Variants in ODF2 observed in about 807,000 individuals in gnomAD.
The protein encoded by ODF2 is outer dense fiber protein 2.
Under a neutral mutation model 110.2 loss-of-function variants are expected in ODF2, and 47 were observed. The ratio of observed to expected loss-of-function variants is 0.43; its 90% CI spans 0.34 to 0.54. ODF2 has a LOEUF of 0.54. Among genes scored for constraint, ODF2 ranks in the 20% least tolerant of loss-of-function variants. The pLI is 0.03. For missense variants in ODF2, 812 were observed against 1,054.5 expected (o/e 0.77, Z 3.19); for synonymous variants, 352 against 397.7 (o/e 0.89, Z 1.37).
chr9:128,463,487 A>G (rs1837038028), intron 4 of ODF2, among the ~76,000 whole-genome samples: 1 of 152,174 alleles, frequency 6.6e-6, no homozygotes. Flanking sequence ...GTGCAGTGGT[A>G]CGCACTTGTA....
intron 16 of ODF2, among the ~76,000 whole-genome samples, chr9:128,493,350 G>T (rs1162142472): frequency 6.6e-6 from 1 of 152,088 alleles, no homozygotes; most frequent in East Asian, 1.9e-4. Context: ...GTGCCACTAC[G>T]CTCTAGCCTG....
At chr9:128,456,725 C>T (rs2131386624) in intron 1 of ODF2, 1 of 1,363,674 alleles carries the variant, frequency 7.3e-7, no homozygotes, top group Non-Finnish European at 9.4e-7. Flanking sequence ...GTCCCCCGGG[C>T]ACCGTCTCCG....
chr9:128,461,129 C>T, intron 4 of ODF2, 62 bp downstream of exon 4: 2 of 1,574,088 alleles, frequency 1.3e-6, no homozygotes, highest in Admixed American at 1.9e-5. Flanking sequence ...AGGCCTCAGC[C>T]TCGGTATGAT....
In ODF2 at chr9:128,488,032, A is replaced by T. The variant is rs377190312; in HGVS notation, c.1536+7A>T. ...GGAGAATGAGAGGCTGAAGGTTCGCAGTGAGAGCTGGGGACCAGGCAGCTG... is the reference window on the plus strand; with the variant it reads ...GGAGAATGAGAGGCTGAAGGTTCGCTGTGAGAGCTGGGGACCAGGCAGCTG... On this transcript the variant is annotated splice_region_variant and intron_variant, in intron 14 of 20. Coordinates refer to ENST00000604420, the Ensembl canonical transcript of ODF2. The T allele has an allele frequency of 4.3e-6, 7 of 1,613,492 alleles. No homozygotes were observed. The highest frequency in any genetic ancestry group is 5.1e-6 in the Non-Finnish European group (6 of 1,179,730).
chr9:128,492,918 G>A (rs1844872994), intron 16 of ODF2, 113 bp downstream of exon 16: 1 of 836,222 alleles, frequency 1.2e-6, no homozygotes, highest in Non-Finnish European at 1.9e-6. Flanking sequence ...GGCAACAAAG[G>A]TGAGCTCATT....
At chr9:128,456,506 T>G (rs767897524) in intron 1 of ODF2, 55 of 1,526,122 alleles carry the variant, frequency 3.6e-5, no homozygotes, top group African/African-American at 1.4e-5. Flanking sequence ...GCTCTGCCCC[T>G]CCTCTGCCGC....
intron 18 of ODF2, chr9:128,497,485 A>ATATATATATATATATATG (rs1845859357): frequency 8.7e-6 from 1 of 114,344 alleles, no homozygotes; most frequent in African/African-American, 3.2e-5. Flanking sequence ...ATATATATAT[A>ATATATATATATATATATG]TGTATAAAAT....
chr9:128,463,671 A>G (rs1279180576), intron 4 of ODF2, among the ~76,000 whole-genome samples: 1 of 133,356 alleles, frequency 7.5e-6, no homozygotes, highest in Non-Finnish European at 1.6e-5. Flanking sequence ...GGCCGGCCCT[A>G]TTTGTGCAGA....
intron 1 of ODF2, chr9:128,456,650 A>C: frequency 1.4e-6 from 2 of 1,472,594 alleles, no homozygotes; most frequent in African/African-American, 1.5e-5. Flanking sequence ...CATCGCCCCG[A>C]CCGCCTCGTC....
In ODF2 at chr9:128,492,107, C is replaced by T. The variant is rs964275440; in HGVS notation, c.1537-319C>T. ...GTCTTGATCTCCTAACCTTGTGATC[C>T]GCCCACCTCGGCCTCCCAAAGTGCT... On this transcript the variant is annotated intron_variant, in intron 14 of 20. Coordinates refer to ENST00000604420, the Ensembl canonical transcript of ODF2. Among the ~76,000 whole-genome samples the T allele has an allele frequency of 4.6e-5, 7 of 152,088 alleles. No homozygotes were observed. In the South Asian group the frequency reaches 6.2e-4, roughly 14 times the overall value.
exon 12 of ODF2, chr9:128,484,784 C>A: frequency 6.2e-7 from 1 of 1,612,644 alleles, no homozygotes; most frequent in East Asian, 2.2e-5. Context: ...AGAAGGGAGA[C>A]CGAGACAAAG....
intron 2 of ODF2, among the ~76,000 whole-genome samples, chr9:128,459,094 C>T (rs1835731119): frequency 6.6e-6 from 1 of 152,204 alleles, no homozygotes; most frequent in Admixed American, 6.5e-5. Flanking sequence ...ATCTGCCTGC[C>T]TTGGCCTCCA....
intron 5 of ODF2, among the ~76,000 whole-genome samples, chr9:128,469,844 C>T (rs1313635812): frequency 6.7e-6 from 1 of 149,116 alleles, no homozygotes; most frequent in African/African-American, 2.5e-5. Flanking sequence ...ATTAGCCATG[C>T]GTGGTGGCGT....
chr9:128,485,351 T>C lies in ODF2; in HGVS notation c.1291-14T>C. On this transcript the variant is annotated splice_polypyrimidine_tract_variant and intron_variant, in intron 12 of 20. Coordinates refer to ENST00000604420, the Ensembl canonical transcript of ODF2. The surrounding 1 kb of genome is among the most constrained non-coding windows in gnomAD (Gnocchi z 5.0). ...GACACTAGGCTAACAGGCCCTTTTG[T>C]CCCGTGTTCCCAGGATCTTTATGTC... The C allele has an allele frequency of 6.7e-7, 1 of 1,483,044 alleles. No homozygotes were observed. The highest frequency in any genetic ancestry group is 1.1e-5 in the South Asian group (1 of 87,154). The allele number at this position is 1,483,044 out of a possible 1,614,324, so 91.9% of individuals were successfully genotyped here.
intron 8 of ODF2, among the ~76,000 whole-genome samples, chr9:128,481,181 G>GT (rs1335597331): frequency 6.6e-6 from 1 of 151,888 alleles, no homozygotes; most frequent in African/African-American, 2.4e-5. Flanking sequence ...TAGAACTACA[G>GT]TTTTTTGGGC....
chr9:128,499,497 G>A (rs1262409777), intron 20 of ODF2, among the ~76,000 whole-genome samples: 2 of 152,138 alleles, frequency 1.3e-5, no homozygotes, highest in East Asian at 1.9e-4. Context: ...GTTTCGCCAT[G>A]TTGGCCAGGC....
chr9:128,476,677 G>T (rs897642081), intron 8 of ODF2, among the ~76,000 whole-genome samples: 1 of 147,020 alleles, frequency 6.8e-6, no homozygotes, highest in Admixed American at 6.8e-5. Context: ...TTGCTCTGTC[G>T]CCCAGGCTAG....
At chr9:128,487,834 C>A (rs1372875502) in intron 13 of ODF2, 56 bp from the exon 14 acceptor site, 14 of 1,527,798 alleles carry the variant, frequency 9.2e-6, no homozygotes, top group East Asian at 2.3e-5. Context: ...CACACACACA[C>A]AAACAAACCT....
At position 128,457,196 on chromosome 9, in the gene ODF2, A is replaced by C. The variant is rs768799875; in HGVS notation, c.-208-2A>C. 4 of 1,530,278 alleles carry C rather than the reference A, an allele frequency of 2.6e-6. No individual in the cohort carries two copies. The highest frequency in any genetic ancestry group is 3.5e-6 in the Non-Finnish European group (4 of 1,142,108). 94.8% of individuals were successfully genotyped at this position (1,530,278 alleles called of 1,614,324 possible). A position where few individuals can be genotyped will look rare whatever the true frequency, so the allele number is the denominator to read the frequency against. On this transcript the variant is annotated splice_acceptor_variant, in intron 1 of 20. Coordinates refer to ENST00000604420, the Ensembl canonical transcript of ODF2. LOFTEE classifies it low-confidence loss of function (5UTR_SPLICE). ...CTCTACTATTTCCCCCTACTTTGGC[A>C]GGACAGTTGCTGTGCGACTTGGACA...
Sources: gnomAD v4.1 joint callset for allele counts (sites outside exome capture counted in the v4.1 genomes callset) on GRCh38, gnomAD v4.1.1 for gene constraint, Gnocchi (gnomAD v3.1) non-coding constraint, MANE v1.5 for transcripts, NCBI Gene and HGNC (gene_info 2026-07-23, HGNC 2026-07-21) for gene names.